SORCS2: variants seen among roughly 807,000 people sequenced by gnomAD.
SORCS2 encodes sortilin related VPS10 domain containing receptor 2, also known as VPS10 domain-containing receptor SorCS2.
Under a neutral mutation model 141.6 loss-of-function variants are expected in SORCS2, and 100 were observed. The ratio of observed to expected loss-of-function variants is 0.71; its 90% CI spans 0.60 to 0.83. The LOEUF (loss-of-function observed/expected upper bound fraction) is 0.83. Among genes scored for constraint, SORCS2 ranks in the 40% least tolerant of loss-of-function variants. The pLI, the probability that SORCS2 is intolerant of heterozygous loss-of-function variation, is 0.00. For missense variants in SORCS2, 1,646 were observed against 1,560.2 expected (o/e 1.05, Z -0.93); for synonymous variants, 789 against 676.9 (o/e 1.17, Z -2.57).
At chr4:7,458,525 A>G (rs1440847110) in intron 2 of SORCS2, among the ~76,000 whole-genome samples, 1 of 152,230 alleles carries the variant, frequency 6.6e-6, no homozygotes, top group Admixed American at 6.5e-5. Flanking sequence ...TCACTCCTAC[A>G]TAGCCCTTTC....
At chr4:7,344,469 C>G (rs1416384015) in intron 1 of SORCS2, among the ~76,000 whole-genome samples, 1 of 152,192 alleles carries the variant, frequency 6.6e-6, no homozygotes, top group South Asian at 2.1e-4. Context: ...CTTGCAGCCT[C>G]TGCTCTGCTC....
At chr4:7,416,539 C>A (rs950329410) in intron 2 of SORCS2, among the ~76,000 whole-genome samples, 2 of 152,214 alleles carry the variant, frequency 1.3e-5, no homozygotes, top group Admixed American at 6.5e-5. Flanking sequence ...CTCACACACG[C>A]CCACACGTGC....
At chr4:7,317,088 C>G (rs149771892) in intron 1 of SORCS2, among the ~76,000 whole-genome samples, 2 of 152,280 alleles carry the variant, frequency 1.3e-5, no homozygotes, top group Non-Finnish European at 1.5e-5. Flanking sequence ...GCTTCAAGGT[C>G]CCCAGTGTCC....
At chr4:7,377,012 G>A (rs960143147) in intron 1 of SORCS2, among the ~76,000 whole-genome samples, 1 of 151,894 alleles carries the variant, frequency 6.6e-6, no homozygotes, top group Non-Finnish European at 1.5e-5. Flanking sequence ...AGTGGTTTGT[G>A]CCTGCAAAGA....
At chr4:7,525,008 C>T (rs2109519711) in intron 2 of SORCS2, among the ~76,000 whole-genome samples, 1 of 152,364 alleles carries the variant, frequency 6.6e-6, no homozygotes, top group South Asian at 2.1e-4. Context: ...AACTCGGGTC[C>T]TCCTTTTCTC....
chr4:7,735,096 T>G (rs575782769), intron 25 of SORCS2, among the ~76,000 whole-genome samples: 1 of 152,340 alleles, frequency 6.6e-6, no homozygotes, highest in Admixed American at 6.5e-5. Context: ...AGACCTGGAA[T>G]GAGCAAAGTG....
At chr4:7,577,165 C>T (rs997390538) in intron 3 of SORCS2, among the ~76,000 whole-genome samples, 1 of 152,054 alleles carries the variant, frequency 6.6e-6, no homozygotes, top group African/African-American at 2.4e-5. Context: ...GGTGGGTCCA[C>T]ATAAGGGAGT....
intron 1 of SORCS2, among the ~76,000 whole-genome samples, chr4:7,382,870 G>A (rs769899580): frequency 6.6e-6 from 1 of 152,072 alleles, no homozygotes; most frequent in Non-Finnish European, 1.5e-5. Context: ...GCCAGGGTCC[G>A]CACAACATCA....
At chr4:7,629,831 C>A (rs937783723) in intron 3 of SORCS2, among the ~76,000 whole-genome samples, 3 of 152,106 alleles carry the variant, frequency 2.0e-5, no homozygotes, top group Non-Finnish European at 4.4e-5. Context: ...TCATCTCCCC[C>A]AAACCAGTTC....
chr4:7,506,526 C>T (rs1305575552), intron 2 of SORCS2, among the ~76,000 whole-genome samples: 3 of 152,084 alleles, frequency 2.0e-5, no homozygotes, highest in African/African-American at 7.2e-5. Context: ...GCTGACATCC[C>T]GAGATCTACT....
intron 1 of SORCS2, among the ~76,000 whole-genome samples, chr4:7,222,981 A>G (rs903160752): frequency 6.6e-6 from 1 of 152,104 alleles, no homozygotes; most frequent in African/African-American, 2.4e-5. Flanking sequence ...GCGTCGGTGG[A>G]GGGAGGGCTC....
At chr4:7,242,764 C>G (rs1223633980) in intron 1 of SORCS2, among the ~76,000 whole-genome samples, 1 of 152,220 alleles carries the variant, frequency 6.6e-6, no homozygotes, top group Non-Finnish European at 1.5e-5. Context: ...ATTACTTCCC[C>G]CAGGATTTGA....
chr4:7,575,990 T>C (rs559308217), intron 3 of SORCS2, among the ~76,000 whole-genome samples: 1 of 152,360 alleles, frequency 6.6e-6, no homozygotes, highest in East Asian at 1.9e-4. Context: ...ATTCTTGAAT[T>C]GATGAAGTTG....
At chr4:7,706,276 G>A (rs1193490814) in intron 14 of SORCS2, among the ~76,000 whole-genome samples, 1 of 104,826 alleles carries the variant, frequency 9.5e-6, no homozygotes, top group Non-Finnish European at 2.1e-5. Context: ...CTCCGCCTGG[G>A]CAGGGATGAG....
intron 3 of SORCS2, among the ~76,000 whole-genome samples, chr4:7,575,352 T>C (rs1442532917): frequency 6.6e-6 from 1 of 152,242 alleles, no homozygotes; most frequent in African/African-American, 2.4e-5. Context: ...TGTCAACAAA[T>C]AATTAATGTG....
intron 2 of SORCS2, among the ~76,000 whole-genome samples, chr4:7,525,996 G>C (rs1429859005): frequency 8.8e-6 from 1 of 113,232 alleles, no homozygotes; most frequent in East Asian, 2.5e-4. Flanking sequence ...CCTGTCCCCT[G>C]CAGTCACCTG....
At chr4:7,223,948 C>T (rs760209022) in intron 1 of SORCS2, among the ~76,000 whole-genome samples, 1 of 152,206 alleles carries the variant, frequency 6.6e-6, no homozygotes, top group Non-Finnish European at 1.5e-5. Flanking sequence ...ATGACTGATA[C>T]CTACCAGGCA....
chr4:7,446,883 C>A (rs1427137884), intron 2 of SORCS2, among the ~76,000 whole-genome samples: 1 of 152,192 alleles, frequency 6.6e-6, no homozygotes, highest in African/African-American at 2.4e-5. Context: ...AGGGTTAGCC[C>A]CATTTCCCAT....
At chr4:7,547,500 C>T (rs561311890) in intron 3 of SORCS2, among the ~76,000 whole-genome samples, 13 of 152,362 alleles carry the variant, frequency 8.5e-5, no homozygotes, top group South Asian at 8.3e-4. Context: ...GGCCTGTGCC[C>T]GCTGACTAAC....
Sources: allele counts gnomAD v4.1 joint callset (sites outside exome capture counted in the v4.1 genomes callset), GRCh38; gene constraint gnomAD v4.1.1; transcripts MANE v1.5; gene names NCBI Gene and HGNC (gene_info 2026-07-23, HGNC 2026-07-21).